NCALD: variants seen among roughly 807,000 people sequenced by gnomAD.
NCALD encodes neurocalcin delta.
In NCALD, 10 loss-of-function variants were observed where a neutral mutation model predicts 18.6. The observed-to-expected ratio is 0.54, with a 90% CI of 0.33 to 0.91. The LOEUF (loss-of-function observed/expected upper bound fraction) is 0.91. NCALD is among the 40% of genes least tolerant of loss of function. The probability of loss-of-function intolerance (pLI) is 0.03; values close to 1 mark genes in which losing one functional copy is unlikely to be tolerated. For missense variants in NCALD, 184 were observed against 247.6 expected, an observed-to-expected ratio of 0.74 and a Z score of 1.72; for synonymous variants, 88 against 87.4, an observed-to-expected ratio of 1.01 and a Z score of -0.04.
chr8:101,831,195 C>T (rs1310905339), intron 4 of NCALD, among the ~76,000 whole-genome samples: 1 of 152,138 alleles, frequency 6.6e-6, no homozygotes. Context: ...CCTGTACACC[C>T]TACATGTATA....
intron 4 of NCALD, among the ~76,000 whole-genome samples, chr8:101,802,351 T>C (rs1206086030): frequency 1.3e-5 from 2 of 151,936 alleles, no homozygotes; most frequent in Non-Finnish European, 2.9e-5. Context: ...GATACAACGT[T>C]AAATTAATAA....
At chr8:101,845,456 A>G (rs1814828536) in intron 4 of NCALD, among the ~76,000 whole-genome samples, 1 of 152,192 alleles carries the variant, frequency 6.6e-6, no homozygotes, top group South Asian at 2.1e-4. Context: ...TGGGATGACT[A>G]CAACCCTCTC....
At chr8:101,976,164 G>A in intron 2 of NCALD, among the ~76,000 whole-genome samples, 1 of 152,190 alleles carries the variant, frequency 6.6e-6, no homozygotes. Context: ...AGGGAGTAAA[G>A]GCTCTCAGCT....
chr8:102,055,452 C>T (rs897419047), intron 1 of NCALD, among the ~76,000 whole-genome samples: 11 of 152,164 alleles, frequency 7.2e-5, no homozygotes, highest in Admixed American at 7.2e-4. Context: ...CATATAAGTG[C>T]TTGACAAATA....
In NCALD at chr8:101,689,090, G is replaced by A. The variant is rs1212840309; in HGVS notation, c.*219C>T. 1.4e-6 allele frequency: 1 copy of A among 703,334 alleles called. No individual in the cohort carries two copies. Among genetic ancestry groups the A allele is most frequent in the African/African-American group, 1.7e-5 (1 of 57,236 alleles). The allele number at this position is 703,334 out of a possible 1,614,324, so 43.6% of individuals were successfully genotyped here. A position where few individuals can be genotyped will look rare whatever the true frequency, so the allele number is the denominator to read the frequency against. On this transcript the variant is annotated 3_prime_UTR_variant, in exon 4 of 4. Transcript: ENST00000220931. This position sits in a 1 kb window ranked among gnomAD's most constrained non-coding sequence, Gnocchi z 4.4. Reference sequence around the variant, plus strand: ...ATCATCAAACAATGAACACCACGAAGTCTGTCCATGCTCTCCACAAGCACA... The same window carrying A: ...ATCATCAAACAATGAACACCACGAAATCTGTCCATGCTCTCCACAAGCACA...
At chr8:102,071,847 C>T (rs1293648139) in intron 1 of NCALD, among the ~76,000 whole-genome samples, 1 of 152,186 alleles carries the variant, frequency 6.6e-6, no homozygotes, top group East Asian at 1.9e-4. Context: ...AGAAGACCTA[C>T]ATAAATGGCA....
intron 1 of NCALD, among the ~76,000 whole-genome samples, chr8:102,060,147 A>AT (rs951251929): frequency 1.6e-4 from 24 of 151,828 alleles, no homozygotes; most frequent in South Asian, 6.2e-4. Flanking sequence ...TGCCTGGCTA[A>AT]TTTTTTTGTA....
chr8:101,999,912 A>G (rs1821385613), intron 2 of NCALD, among the ~76,000 whole-genome samples: 1 of 152,198 alleles, frequency 6.6e-6, no homozygotes, highest in Non-Finnish European at 1.5e-5. Context: ...GGTGGAACCA[A>G]GATGGCAGAA....
intron 4 of NCALD, among the ~76,000 whole-genome samples, chr8:101,821,842 C>G (rs569155797): frequency 4.9e-4 from 72 of 145,634 alleles, no homozygotes; most frequent in African/African-American, 1.8e-3. Flanking sequence ...ACTCATAAAT[C>G]CTATTCTTCC....
chr8:101,999,336 G>A (rs1821358814), intron 2 of NCALD, among the ~76,000 whole-genome samples: 1 of 152,070 alleles, frequency 6.6e-6, no homozygotes, highest in Non-Finnish European at 1.5e-5. Context: ...ATACTACCCA[G>A]CCATAAAAAA....
intron 1 of NCALD, among the ~76,000 whole-genome samples, chr8:102,083,848 CT>C (rs1284274957): frequency 2.8e-4 from 42 of 152,346 alleles, no homozygotes; most frequent in Admixed American, 2.7e-3. Context: ...AGTCACATCG[CT>C]ATTTTGATTA....
intron 1 of NCALD, among the ~76,000 whole-genome samples, chr8:102,055,405 C>T (rs1055309651): frequency 4.8e-4 from 73 of 152,240 alleles, no homozygotes; most frequent in Admixed American, 1.4e-3. Flanking sequence ...CCTACGTTCA[C>T]GACATAAAGA....
chr8:102,012,247 CT>C (rs1485821500), intron 2 of NCALD, among the ~76,000 whole-genome samples: 6 of 152,322 alleles, frequency 3.9e-5, no homozygotes, highest in Admixed American at 6.5e-5. Context: ...CGAATGTCAC[CT>C]GATTCTCCTA....
intron 4 of NCALD, among the ~76,000 whole-genome samples, chr8:101,848,299 T>G (rs759490975): frequency 1.1e-4 from 16 of 151,760 alleles, no homozygotes; most frequent in Non-Finnish European, 2.4e-4. Context: ...ATGGGGAGAA[T>G]AGGAAGGGAA....
At chr8:102,059,257 C>A (rs1368776304) in intron 1 of NCALD, among the ~76,000 whole-genome samples, 1 of 152,212 alleles carries the variant, frequency 6.6e-6, no homozygotes, top group Non-Finnish European at 1.5e-5. Context: ...CCAAGGACAT[C>A]CTCTTGTAAG....
chr8:102,032,586 GTCA>G (rs1210854329), intron 1 of NCALD, among the ~76,000 whole-genome samples: 7 of 135,292 alleles, frequency 5.2e-5, no homozygotes, highest in African/African-American at 1.4e-4. Flanking sequence ...TGGCCAGATG[GTCA>G]TCGACTTGGA....
At chr8:101,838,715 G>T (rs1472256271) in intron 4 of NCALD, among the ~76,000 whole-genome samples, 2 of 152,286 alleles carry the variant, frequency 1.3e-5, no homozygotes, top group East Asian at 3.9e-4. Context: ...AAGGTCACTG[G>T]GTGGACTCAT....
rs1271737058 is a variant in NCALD at position 101,789,036 on chromosome 8, T to G, written c.-20+1826A>C. 5.9e-5 allele frequency: 9 copies of G among 152,208 alleles called. No individual in the cohort carries two copies. The East Asian group carries it at 1.5e-3, about 26-fold the overall frequency. 9.4% of individuals were successfully genotyped at this position (152,208 alleles called of 1,614,324 possible). A position where few individuals can be genotyped will look rare whatever the true frequency, so the allele number is the denominator to read the frequency against. On this transcript the variant is annotated intron_variant, in intron 1 of 3. Coordinates refer to ENST00000220931, the MANE Select transcript of NCALD (RefSeq NM_032041.3). ...CATACCGCTGAAATATAGTCTATTT[T>G]GAAAGAGCATTGAATACAATTATTA...
At chr8:101,970,887 C>A (rs901524586) in intron 2 of NCALD, among the ~76,000 whole-genome samples, 1 of 152,104 alleles carries the variant, frequency 6.6e-6, no homozygotes, top group African/African-American at 2.4e-5. Context: ...CAAGGTAGGG[C>A]CTAATAGGAG....
Sources: allele counts gnomAD v4.1 joint callset (sites outside exome capture counted in the v4.1 genomes callset), GRCh38; gene constraint gnomAD v4.1.1; non-coding constraint Gnocchi (gnomAD v3.1); transcripts MANE v1.5; gene names NCBI Gene and HGNC (gene_info 2026-07-23, HGNC 2026-07-21).